Variants in CTBP2 observed in about 807,000 individuals in gnomAD.
CTBP2 encodes C-terminal-binding protein 2.
Under a neutral mutation model 80.3 loss-of-function variants are expected in CTBP2, and 30 were observed. The ratio of observed to expected loss-of-function variants is 0.37; its 90% CI spans 0.28 to 0.51. The LOEUF is 0.51. Ranked by LOEUF, CTBP2 falls within the 20% of genes least tolerant of loss-of-function variation. The pLI, the probability that CTBP2 is intolerant of heterozygous loss-of-function variation, is 0.93. For missense variants in CTBP2, 1,212 were observed against 1,375.3 expected, an observed-to-expected ratio of 0.88 and a Z score of 1.88; for synonymous variants, 594 against 587.4, an observed-to-expected ratio of 1.01 and a Z score of -0.16.
In CTBP2 at chr10:125,007,323, C is replaced by G. The variant is rs891474770; in HGVS notation, c.1679-3831G>C. Among the ~76,000 whole-genome samples the G allele has an allele frequency of 2.0e-5, 3 of 152,268 alleles. No individual in the cohort carries two copies. The South Asian group carries it at 6.2e-4, about 31-fold the overall frequency. On this transcript the variant is annotated intron_variant, in intron 1 of 8. Transcript: ENST00000309035. ...GCCCCTCCGTCCGGGATGTGCTGTG[C>G]ACCAGCTCAAGGCAGTGCTGACGCC...
intron 1 of CTBP2, among the ~76,000 whole-genome samples, chr10:125,126,526 G>C (rs1855282995): frequency 6.6e-6 from 1 of 152,170 alleles, no homozygotes; most frequent in African/African-American, 2.4e-5. Flanking sequence ...CTGAGGATGG[G>C]GATGGCAAAG....
rs866178014 is a variant in CTBP2, at chr10:125,098,680, G to C, written c.-102+12310C>G. Among the ~76,000 whole-genome samples, 73 of 132,330 alleles carry C rather than the reference G, an allele frequency of 5.5e-4. 1 individual carries two copies. Among genetic ancestry groups the C allele is most frequent in the African/African-American group, 1.9e-3 (61 of 32,396 alleles). The allele number at this position is 132,330 out of a possible 152,430, so 86.8% of individuals were successfully genotyped here. Reference sequence around the variant, plus strand: ...GGGGAGAGAGAGAGAGAGAGAGAGAGAGAGAGAGAGAGAGAGAGAGAGAGA... The same window carrying C: ...GGGGAGAGAGAGAGAGAGAGAGAGACAGAGAGAGAGAGAGAGAGAGAGAGA... On this transcript the variant is annotated intron_variant, in intron 2 of 10. Coordinates refer to the CTBP2 transcript ENST00000337195.
chr10:125,026,896 G>A lies in CTBP2; in HGVS notation c.864C>T (p.Thr288=), dbSNP rs12256869. The change falls in exon 1 of 9, where the codon ACC becomes ACT. Residue 288 remains threonine (T), a synonymous_variant. Transcript: ENST00000309035. ...GAAAGGCCAGGAACTCAGGGAGCAC[G>A]GTCCTCTTGCCACCAGGACCCTGGA... 1.6e-4 allele frequency: 259 copies of A among 1,613,984 alleles called. No individual in the cohort carries two copies. Among genetic ancestry groups the A allele is most frequent in the Middle Eastern group, 3.3e-4 (2 of 6,062 alleles).
chr10:125,046,222 C>T (rs1191226367), intron 2 of CTBP2, among the ~76,000 whole-genome samples: 1 of 152,066 alleles, frequency 6.6e-6, no homozygotes, highest in Non-Finnish European at 1.5e-5. Flanking sequence ...CAAATTCTGC[C>T]GCTATCAGAG....
chr10:124,988,068 G>GT lies in CTBP2; in HGVS notation c.*1449dup, dbSNP rs3832699. On this transcript the variant is annotated 3_prime_UTR_variant, in exon 9 of 9. Coordinates refer to ENST00000309035, the MANE Select transcript of CTBP2 (RefSeq NM_022802.3). ...AGAACTCTAAAAGTTGAGCAACTTT[G>GT]TTTTTTTTTGAATTGATTTAGCACT... The GT allele has an allele frequency of 0.15, 22,093 of 151,448 alleles. 1,581 individuals are homozygous for GT. The highest frequency in any genetic ancestry group is 0.2 in the East Asian group (1,045 of 5,130). 9.4% of individuals were successfully genotyped at this position (151,448 alleles called of 1,614,324 possible).
chr10:125,062,588 G>T (rs1183298354), intron 2 of CTBP2, among the ~76,000 whole-genome samples: 1 of 152,182 alleles, frequency 6.6e-6, no homozygotes, highest in Admixed American at 6.5e-5. Flanking sequence ...GAGGGACCGG[G>T]TGCGGTAGCT....
intron 1 of CTBP2, among the ~76,000 whole-genome samples, chr10:125,124,428 GTTCA>G (rs1448275288): frequency 6.7e-6 from 1 of 149,712 alleles, no homozygotes; most frequent in Admixed American, 6.7e-5. Flanking sequence ...CGTTTTTTCA[GTTCA>G]TTCGACAATT....
intron 1 of CTBP2, among the ~76,000 whole-genome samples, chr10:125,149,517 C>A (rs1439901304): frequency 6.6e-6 from 1 of 152,164 alleles, no homozygotes; most frequent in Non-Finnish European, 1.5e-5. Flanking sequence ...CTTGAGTCAT[C>A]CACAAGACAG....
chr10:125,012,890 C>T (rs1207106829), intron 1 of CTBP2, among the ~76,000 whole-genome samples: 1 of 101,300 alleles, frequency 9.9e-6, no homozygotes, highest in African/African-American at 3.8e-5. Context: ...AAAAGAAGCA[C>T]AAACCTGCCA....
chr10:125,069,896 CA>C (rs908675008), intron 2 of CTBP2, among the ~76,000 whole-genome samples: 3 of 70,042 alleles, frequency 4.3e-5, no homozygotes, highest in African/African-American at 1.1e-4. Context: ...CTCCCCCCCC[CA>C]CACAAACCCC....
At chr10:125,084,833 T>C (rs1306588965) in intron 2 of CTBP2, among the ~76,000 whole-genome samples, 1 of 151,808 alleles carries the variant, frequency 6.6e-6, no homozygotes, top group Non-Finnish European at 1.5e-5. Flanking sequence ...ACGTCTCCAC[T>C]GCTGCCCCAA....
chr10:125,132,869 A>G (rs920485933), intron 1 of CTBP2, among the ~76,000 whole-genome samples: 2 of 152,258 alleles, frequency 1.3e-5, no homozygotes, highest in Admixed American at 1.3e-4. Flanking sequence ...TAATGAATTT[A>G]GTTTCAATAA....
chr10:125,070,359 A>G (rs562949262), intron 2 of CTBP2, among the ~76,000 whole-genome samples: 42 of 152,042 alleles, frequency 2.8e-4, no homozygotes, highest in African/African-American at 9.6e-4. Context: ...TCAAACAAAC[A>G]AACAAAAAAC....
At chr10:125,072,634 G>GAA (rs55742060) in intron 2 of CTBP2, among the ~76,000 whole-genome samples, 427 of 99,722 alleles carry the variant, frequency 4.3e-3, no homozygotes, top group Middle Eastern at 0.013. Context: ...AAAAAGAAAA[G>GAA]AAAAAAAAAA....
At chr10:125,044,021 C>G (rs750306892) in intron 2 of CTBP2, among the ~76,000 whole-genome samples, 6 of 152,320 alleles carry the variant, frequency 3.9e-5, no homozygotes, top group African/African-American at 1.4e-4. Flanking sequence ...GAACTCAGAT[C>G]TCACTGTTAA....
Position 125,156,255 on chromosome 10 carries a change from CTA to C in CTBP2, c.-206+4062_-206+4063del, listed in dbSNP as rs1459986716. The stretch of plus-strand genomic sequence containing the variant: ...TGGCCTGATTCAGGGCCACAGGACA[CTA>C]GGGCTGCTGCTTTTCCCTGATAGAT... On this transcript the variant is annotated intron_variant, in intron 1 of 10. Coordinates refer to the CTBP2 transcript ENST00000337195. Among the ~76,000 whole-genome samples the C allele has an allele frequency of 4.6e-5, 7 of 152,302 alleles. No individual in the cohort carries two copies. In the South Asian group the frequency reaches 1.4e-3, roughly 32 times the overall value.
At chr10:125,151,971 G>A (rs1187000391) in intron 1 of CTBP2, among the ~76,000 whole-genome samples, 7 of 152,176 alleles carry the variant, frequency 4.6e-5, no homozygotes, top group Non-Finnish European at 1.0e-4. Context: ...CCCCGCGGCG[G>A]GAAGCGGCTC....
rs944449257 is a variant in CTBP2 at position 125,098,514 on chromosome 10, C to T, written c.-102+12476G>A. On this transcript the variant is annotated intron_variant, in intron 2 of 10. Transcript: ENST00000337195. ...AGGAAGGCCAGGACCTGGGGATGAGCGGGCCATGCTTCCGAGGATGGGGGT... is the reference window on the plus strand; with the variant it reads ...AGGAAGGCCAGGACCTGGGGATGAGTGGGCCATGCTTCCGAGGATGGGGGT... Among the ~76,000 whole-genome samples, 10 of 152,158 alleles carry T rather than the reference C, an allele frequency of 6.6e-5. No individual in the cohort carries two copies. The South Asian group carries it at 1.2e-3, about 19-fold the overall frequency.
Position 125,092,401 on chromosome 10 carries a change from G to A in CTBP2, c.-102+18589C>T, listed in dbSNP as rs114187383. 2.3e-3 allele frequency among the ~76,000 whole-genome samples: 348 copies of A among 152,026 alleles called. 2 individuals are homozygous for A. Among genetic ancestry groups the A allele is most frequent in the African/African-American group, 7.7e-3 (320 of 41,462 alleles). ...AGATGGGTTTCACCACGTTGGTCTC[G>A]AACTCCTGACCTCAAGTGATCCATC... On this transcript the variant is annotated intron_variant, in intron 2 of 10. Transcript: ENST00000337195.
Sources: allele counts gnomAD v4.1 joint callset (sites outside exome capture counted in the v4.1 genomes callset), GRCh38; gene constraint gnomAD v4.1.1; transcripts MANE v1.5; gene names NCBI Gene and HGNC (gene_info 2026-07-23, HGNC 2026-07-21).